SPECC1: variants seen among roughly 807,000 people sequenced by gnomAD.
The protein encoded by SPECC1 is cytospin-B.
In SPECC1, 62 loss-of-function variants were observed where a neutral mutation model predicts 104.1. The observed-to-expected ratio is 0.60, with a 90% CI of 0.49 to 0.74. The LOEUF is 0.74. Ranked by LOEUF, SPECC1 falls within the 30% of genes least tolerant of loss-of-function variation. SPECC1 has a pLI of 0.00. For synonymous variants in SPECC1, 513 were observed against 501.6 expected (o/e 1.02, Z -0.30); for missense variants, 1,306 against 1,310.5 (o/e 1.00, Z 0.05).
chr17:20,297,086 T>A lies in SPECC1; in HGVS notation c.3057+9T>A. 1.2e-6 allele frequency: 2 copies of A among 1,610,834 alleles called. No homozygotes were observed. The highest frequency in any genetic ancestry group is 1.7e-6 in the Non-Finnish European group (2 of 1,177,312). On this transcript the variant is annotated intron_variant, in intron 13 of 14. Coordinates refer to ENST00000395527, the MANE Select transcript of SPECC1 (RefSeq NM_001243439.2). ...TGAATAGTCAGGAGAAAGTAAGTCA[T>A]GGCCCTGTCACCTTGGTTATCCTCT... is the stretch of plus-strand genomic sequence containing the variant.
At chr17:20,097,657 C>T (rs527277394) in intron 2 of SPECC1, among the ~76,000 whole-genome samples, 2 of 152,108 alleles carry the variant, frequency 1.3e-5, no homozygotes, top group East Asian at 3.9e-4. Flanking sequence ...AGCATGGTGC[C>T]GGCTCCCTTT....
chr17:20,110,414 C>A lies in SPECC1; in HGVS notation c.148-13C>A. The stretch of plus-strand genomic sequence containing the variant: ...ACCTCTTCATCCTCTCTCTTTCCTT[C>A]CAACTCTCTCAGCTCAAGAGGGCCA... On this transcript the variant is annotated splice_polypyrimidine_tract_variant and intron_variant, in intron 2 of 14. Transcript: ENST00000395527. 1.9e-6 allele frequency: 3 copies of A among 1,602,564 alleles called. No individual in the cohort carries two copies. Among genetic ancestry groups the A allele is most frequent in the Non-Finnish European group, 2.6e-6 (3 of 1,173,032 alleles).
At chr17:20,248,018 A>G (rs1256403122) in intron 9 of SPECC1, among the ~76,000 whole-genome samples, 1 of 152,202 alleles carries the variant, frequency 6.6e-6, no homozygotes, top group Non-Finnish European at 1.5e-5. Context: ...GTGCTTACCC[A>G]GGACTGCCAC....
At chr17:20,088,584 A>C (rs752590333) in intron 1 of SPECC1, among the ~76,000 whole-genome samples, 23 of 152,170 alleles carry the variant, frequency 1.5e-4, no homozygotes, top group African/African-American at 9.7e-5. Flanking sequence ...GGAGGGGATA[A>C]AACATTCATA....
At chr17:20,300,224 AGAG>A (rs2041522696) in intron 13 of SPECC1, among the ~76,000 whole-genome samples, 1 of 152,150 alleles carries the variant, frequency 6.6e-6, no homozygotes, top group Non-Finnish European at 1.5e-5. Flanking sequence ...TTGTGGAGGT[AGAG>A]GAGGAGGACA....
chr17:20,236,966 AG>A, intron 7 of SPECC1: 2 of 1,605,910 alleles, frequency 1.2e-6, no homozygotes, highest in Non-Finnish European at 1.7e-6. Flanking sequence ...GGGAATGTGT[AG>A]AGGAGAAATT....
intron 12 of SPECC1, among the ~76,000 whole-genome samples, chr17:20,281,980 C>T (rs932533746): frequency 2.0e-5 from 3 of 152,198 alleles, no homozygotes; most frequent in Admixed American, 6.5e-5. Flanking sequence ...GCTTCGCCTG[C>T]GTTCGGGTGC....
intron 1 of SPECC1, among the ~76,000 whole-genome samples, chr17:20,060,093 T>G (rs1050175528): frequency 5.3e-5 from 8 of 152,232 alleles, no homozygotes; most frequent in Admixed American, 1.3e-4. Flanking sequence ...TATCATTAAC[T>G]TTGGGGCTCT....
intron 3 of SPECC1, among the ~76,000 whole-genome samples, chr17:20,169,704 T>C (rs934574440): frequency 2.0e-5 from 3 of 152,192 alleles, no homozygotes; most frequent in African/African-American, 7.2e-5. Flanking sequence ...GGGCTTGCTC[T>C]GTTGTTCAGG....
At chr17:20,081,819 A>T (rs2046986539) in intron 1 of SPECC1, among the ~76,000 whole-genome samples, 1 of 152,008 alleles carries the variant, frequency 6.6e-6, no homozygotes, top group African/African-American at 2.4e-5. Flanking sequence ...CCACATTACA[A>T]CACACACACA....
chr17:20,205,354 G>C lies in SPECC1; in HGVS notation c.1305G>C (p.Gln435His). The C allele has an allele frequency of 4.3e-6, 7 of 1,613,810 alleles. No homozygotes were observed. Among genetic ancestry groups the C allele is most frequent in the Non-Finnish European group, 5.1e-6 (6 of 1,179,970 alleles). Residue 435 changes from glutamine to histidine, a missense_variant, in exon 4 of 15, where the codon CAG (glutamine) becomes CAC (histidine). Around this residue, in one of 2 missense-constraint regions of SPECC1, gnomAD observed 1,177 missense variants for 1,139.9 expected, o/e 1.03. Transcript: ENST00000395527. ...SFHQHRERAEQLSQENEKLMN... is the reference protein window; with the variant it reads ...SFHQHRERAEHLSQENEKLMN... ...ATCAGCATCGAGAGAGGGCAGAGCAGCTAAGTCAAGAAAATGAGAAGCTGA... is the reference window on the plus strand; with the variant it reads ...ATCAGCATCGAGAGAGGGCAGAGCACCTAAGTCAAGAAAATGAGAAGCTGA...
At chr17:20,052,332 T>G (rs770983959) in intron 1 of SPECC1, among the ~76,000 whole-genome samples, 4 of 152,214 alleles carry the variant, frequency 2.6e-5, no homozygotes, top group Non-Finnish European at 5.9e-5. Flanking sequence ...TTGGTCATGT[T>G]TTGTTGAGGT....
intron 3 of SPECC1, among the ~76,000 whole-genome samples, chr17:20,200,676 C>T (rs780123197): frequency 6.6e-6 from 1 of 152,204 alleles, no homozygotes; most frequent in Non-Finnish European, 1.5e-5. Flanking sequence ...AGCTGTAGGG[C>T]TGTTGCTCTT....
Position 20,317,537 on chromosome 17 carries a change from G to A in SPECC1, c.*3472G>A, listed in dbSNP as rs1383888072. ...ACCTCCCAAAGTGCTGGGACTACAGGGGTAAGCCACCGCGCCTGGCCCAAA... is the reference window on the plus strand; with the variant it reads ...ACCTCCCAAAGTGCTGGGACTACAGAGGTAAGCCACCGCGCCTGGCCCAAA... On this transcript the variant is annotated 3_prime_UTR_variant, in exon 15 of 15. Coordinates refer to ENST00000395527, the MANE Select transcript of SPECC1 (RefSeq NM_001243439.2). The A allele has an allele frequency of 5.3e-6, 1 of 187,294 alleles. No individual in the cohort carries two copies. Among genetic ancestry groups the A allele is most frequent in the East Asian group, 8.6e-5 (1 of 11,630 alleles). The allele number at this position is 187,294 out of a possible 1,614,324, so 11.6% of individuals were successfully genotyped here. A position where few individuals can be genotyped will look rare whatever the true frequency, so the allele number is the denominator to read the frequency against.
intron 4 of SPECC1, among the ~76,000 whole-genome samples, chr17:20,211,375 G>A (rs1471642446): frequency 6.6e-6 from 1 of 152,212 alleles, no homozygotes; most frequent in African/African-American, 2.4e-5. Context: ...GCTCCCCTGG[G>A]CAAGCCATGA....
At chr17:20,169,456 G>A (rs964819483) in intron 3 of SPECC1, among the ~76,000 whole-genome samples, 1 of 151,810 alleles carries the variant, frequency 6.6e-6, no homozygotes, top group Admixed American at 6.6e-5. Context: ...TAGATAGAAT[G>A]ATTTGATGGA....
chr17:20,113,098 A>T (rs1204175397), intron 3 of SPECC1: 12 of 623,190 alleles, frequency 1.9e-5, no homozygotes, highest in Non-Finnish European at 3.2e-5. Flanking sequence ...TAAGGAAGTT[A>T]AAAAAAAATT....
intron 1 of SPECC1, among the ~76,000 whole-genome samples, chr17:20,075,885 T>TTTCAAGATC (rs2046741198): frequency 6.6e-6 from 1 of 152,158 alleles, no homozygotes; most frequent in Non-Finnish European, 1.5e-5. Context: ...AGGTTGAGGC[T>TTTCAAGATC]ACAGTGAGCT....
chr17:20,143,983 T>C (rs1256544634), intron 3 of SPECC1, among the ~76,000 whole-genome samples: 2 of 152,176 alleles, frequency 1.3e-5, no homozygotes, highest in East Asian at 1.9e-4. Flanking sequence ...GCTGCTGAGG[T>C]TGAGCTTCCC....
Sources: allele counts gnomAD v4.1 joint callset (sites outside exome capture counted in the v4.1 genomes callset), GRCh38; gene constraint gnomAD v4.1.1; regional missense constraint gnomAD v4.1.1; transcripts MANE v1.5; gene names NCBI Gene and HGNC (gene_info 2026-07-23, HGNC 2026-07-21).